The following TMPRSS11F variants were observed in gnomAD, a reference collection of about 807,000 sequenced individuals.
The protein encoded by TMPRSS11F is transmembrane serine protease 11F, also known as transmembrane protease serine 11F.
A neutral mutation model predicts 60.2 loss-of-function variants in TMPRSS11F; 47 were observed. That is an observed-to-expected ratio of 0.78 (90% CI 0.62 to 1.00). The LOEUF is 1.00. TMPRSS11F is among the 50% of genes least tolerant of loss of function. TMPRSS11F has a pLI of 0.00. For synonymous variants in TMPRSS11F, 166 were observed against 167.3 expected, an observed-to-expected ratio of 0.99 and a Z score of 0.06; for missense variants, 519 against 522.9, an observed-to-expected ratio of 0.99 and a Z score of 0.07.
chr4:68,116,513 CA>C (rs912604925), intron 1 of TMPRSS11F, among the ~76,000 whole-genome samples: 17 of 152,224 alleles, frequency 1.1e-4, no homozygotes, highest in African/African-American at 4.1e-4. Flanking sequence ...CATCTGGACT[CA>C]CACAAGACCC....
intron 8 of TMPRSS11F, chr4:68,063,294 A>G: frequency 1.8e-6 from 1 of 542,488 alleles, no homozygotes. Flanking sequence ...GACCGCACCA[A>G]CTGATGGCGG....
At chr4:68,106,562 A>C (rs1209962300) in intron 1 of TMPRSS11F, among the ~76,000 whole-genome samples, 1 of 152,190 alleles carries the variant, frequency 6.6e-6, no homozygotes, top group Non-Finnish European at 1.5e-5. Flanking sequence ...AAGTGACTTC[A>C]GAAGCATCAA....
At chr4:68,123,109 G>A (rs1724653650) in intron 1 of TMPRSS11F, among the ~76,000 whole-genome samples, 3 of 152,304 alleles carry the variant, frequency 2.0e-5, no homozygotes, top group South Asian at 2.1e-4. Flanking sequence ...TGTTGCCACA[G>A]TTTCGTTATA....
chr4:68,098,979 A>T lies in TMPRSS11F; in HGVS notation c.71T>A (p.Phe24Tyr). 1 of 1,613,354 alleles carries T rather than the reference A, an allele frequency of 6.2e-7. No individual in the cohort carries two copies. Among genetic ancestry groups the T allele is most frequent in the Non-Finnish European group, 8.5e-7 (1 of 1,179,600 alleles). ...SRAEYQRKQQFWDSVRLALFT... is the reference protein window; with the variant it reads ...SRAEYQRKQQYWDSVRLALFT... ...AAGAGCTAGCCGTACTGAGTCCCAA[A>T]ATTGCTGCTTTCTTTGATATTCAGC... The change falls in exon 2 of 10, where the codon TTT (phenylalanine) becomes TAT (tyrosine). Residue 24 changes from phenylalanine to tyrosine, a missense_variant. By Grantham distance (22) the Phe-to-Tyr change is conservative. Coordinates refer to ENST00000356291, the MANE Select transcript of TMPRSS11F (RefSeq NM_207407.2).
intron 1 of TMPRSS11F, among the ~76,000 whole-genome samples, chr4:68,105,461 A>G (rs1202935624): frequency 2.0e-5 from 3 of 152,154 alleles, no homozygotes; most frequent in Non-Finnish European, 4.4e-5. Flanking sequence ...CTTTGCTACT[A>G]TCAGCAAGCT....
chr4:68,093,687 C>CA (rs1172711658), intron 2 of TMPRSS11F, among the ~76,000 whole-genome samples: 6 of 151,548 alleles, frequency 4.0e-5, no homozygotes, highest in Non-Finnish European at 1.5e-5. Context: ...ACAATGAACT[C>CA]AAACAAATTT....
intron 2 of TMPRSS11F, among the ~76,000 whole-genome samples, chr4:68,098,671 A>G (rs1044681295): frequency 1.3e-5 from 2 of 152,172 alleles, no homozygotes; most frequent in African/African-American, 4.8e-5. Flanking sequence ...TATTTCTTTT[A>G]GATACGTCTA....
At chr4:68,125,827 T>C (rs1250013784) in intron 1 of TMPRSS11F, among the ~76,000 whole-genome samples, 1 of 152,190 alleles carries the variant, frequency 6.6e-6, no homozygotes, top group Non-Finnish European at 1.5e-5. Context: ...CCTGCTTAGA[T>C]CTTCCCAAGA....
chr4:68,072,226 A>ATATATATATATATATCTATAT (rs61224244), intron 5 of TMPRSS11F, 97 bp downstream of exon 5: 1 of 79,248 alleles, frequency 1.3e-5, no homozygotes, highest in African/African-American at 4.6e-5. Flanking sequence ...TCTTCCAAAA[A>ATATATATATATATATCTATAT]AAAAATATAT....
chr4:68,076,616 G>C (rs1723588731), intron 3 of TMPRSS11F, among the ~76,000 whole-genome samples: 1 of 152,154 alleles, frequency 6.6e-6, no homozygotes. Context: ...GTACACTAAA[G>C]AGAAAAGGTT....
At chr4:68,062,669 C>A (rs1246305937) in intron 8 of TMPRSS11F, 2 of 763,302 alleles carry the variant, frequency 2.6e-6, no homozygotes, top group Non-Finnish European at 4.9e-6. Flanking sequence ...TATCATCTTT[C>A]TTCTCATGCT....
At chr4:68,109,251 A>G (rs1409553347) in intron 1 of TMPRSS11F, among the ~76,000 whole-genome samples, 1 of 152,102 alleles carries the variant, frequency 6.6e-6, no homozygotes, top group Non-Finnish European at 1.5e-5. Context: ...AAGAAGGTCC[A>G]GTACTCCAGT....
intron 1 of TMPRSS11F, among the ~76,000 whole-genome samples, chr4:68,110,900 T>C (rs775010473): frequency 6.6e-6 from 1 of 152,118 alleles, no homozygotes; most frequent in Non-Finnish European, 1.5e-5. Context: ...TCTTTAAAAA[T>C]AAAATGGCTA....
At position 68,053,254 on chromosome 4, in the gene TMPRSS11F, A is replaced by G. The variant is rs572705099; in HGVS notation, c.*655T>C. On this transcript the variant is annotated 3_prime_UTR_variant, in exon 10 of 10. Transcript: ENST00000356291. Reference sequence around the variant, plus strand: ...AGATGGCAAGATGCTGTTAAAGAATAAATCAGAAAAGCTTCTTAACAACAC... The same window carrying G: ...AGATGGCAAGATGCTGTTAAAGAATGAATCAGAAAAGCTTCTTAACAACAC... The G allele has an allele frequency of 6.6e-6, 1 of 152,636 alleles. No individual in the cohort carries two copies. Among genetic ancestry groups the G allele is most frequent in the African/African-American group, 2.4e-5 (1 of 41,564 alleles). 9.5% of individuals were successfully genotyped at this position (152,636 alleles called of 1,614,324 possible). A position where few individuals can be genotyped will look rare whatever the true frequency, so the allele number is the denominator to read the frequency against.
At chr4:68,091,827 C>A (rs1414859865) in intron 2 of TMPRSS11F, among the ~76,000 whole-genome samples, 1 of 151,236 alleles carries the variant, frequency 6.6e-6, no homozygotes, top group African/African-American at 2.4e-5. Context: ...CACTCTGTTG[C>A]CCAGGCTGGA....
At chr4:68,058,044 G>A (rs1419141318) in intron 9 of TMPRSS11F, among the ~76,000 whole-genome samples, 1 of 152,190 alleles carries the variant, frequency 6.6e-6, no homozygotes, top group Non-Finnish European at 1.5e-5. Flanking sequence ...AGAGTAGACT[G>A]ATGATTACCA....
Position 68,099,891 on chromosome 4 carries a change from C to T in TMPRSS11F, c.12-853G>A, listed in dbSNP as rs183177227. Among the ~76,000 whole-genome samples the T allele has an allele frequency of 2.2e-3, 333 of 152,112 alleles. 1 individual carries two copies. Among genetic ancestry groups the T allele is most frequent in the Non-Finnish European group, 3.9e-3 (264 of 67,984 alleles). On this transcript the variant is annotated intron_variant, in intron 1 of 9. Coordinates refer to ENST00000356291, the MANE Select transcript of TMPRSS11F (RefSeq NM_207407.2). ...CCCACACTTTAAAAGGGGAAACAGA[C>T]ATGGAAACAAGTAGTTATTATATAG...
intron 3 of TMPRSS11F, among the ~76,000 whole-genome samples, chr4:68,075,983 ACT>A (rs757342124): frequency 1.3e-5 from 2 of 151,094 alleles, no homozygotes; most frequent in Non-Finnish European, 2.9e-5. Context: ...ACAGAGTGAG[ACT>A]CTGTCTCCAA....
rs149761147 is a variant in TMPRSS11F at position 68,106,326 on chromosome 4, C to T, written c.12-7288G>A. Among the ~76,000 whole-genome samples the T allele has an allele frequency of 2.8e-3, 430 of 152,100 alleles. 5 individuals are homozygous for T. Among genetic ancestry groups the T allele is most frequent in the Non-Finnish European group, 2.0e-3 (136 of 67,978 alleles). On this transcript the variant is annotated intron_variant, in intron 1 of 9. Transcript: ENST00000356291. ...AAGCATGAGTCAGAAACACTGGCAACGGGAGACAGATAGTAAAAAGCAGGG... is the reference window on the plus strand; with the variant it reads ...AAGCATGAGTCAGAAACACTGGCAATGGGAGACAGATAGTAAAAAGCAGGG...
Sources: allele counts gnomAD v4.1 joint callset (sites outside exome capture counted in the v4.1 genomes callset), GRCh38; gene constraint gnomAD v4.1.1; transcripts MANE v1.5; gene names NCBI Gene and HGNC (gene_info 2026-07-23, HGNC 2026-07-21).